FAM193A: variants seen among roughly 807,000 people sequenced by gnomAD.
FAM193A encodes protein FAM193A.
A neutral mutation model predicts 126.5 loss-of-function variants in FAM193A; 22 were observed. The ratio of observed to expected loss-of-function variants is 0.17; its 90% CI spans 0.12 to 0.25. The LOEUF (loss-of-function observed/expected upper bound fraction) is 0.25. FAM193A is among the 10% of genes least tolerant of loss of function. The pLI is 1.00. For synonymous variants in FAM193A, 761 were observed against 646.8 expected, an observed-to-expected ratio of 1.18 and a Z score of -2.68; for missense variants, 1,675 against 1,672.8, an observed-to-expected ratio of 1.00 and a Z score of -0.02.
At chr4:2,586,536 T>C (rs1030205377) in intron 1 of FAM193A, among the ~76,000 whole-genome samples, 1 of 152,218 alleles carries the variant, frequency 6.6e-6, no homozygotes, top group Admixed American at 6.5e-5. Context: ...ATAAATTTAG[T>C]GTATGTGTTT....
chr4:2,693,494 A>T (rs1414273867), intron 15 of FAM193A, 92 bp from the exon 16 acceptor site: 2 of 1,200,642 alleles, frequency 1.7e-6, no homozygotes, highest in Non-Finnish European at 2.4e-6. Context: ...TGAAGGATGA[A>T]TGGGTACTCT....
chr4:2,597,584 G>A (rs1396760935), intron 2 of FAM193A, among the ~76,000 whole-genome samples: 10 of 152,020 alleles, frequency 6.6e-5, no homozygotes, highest in African/African-American at 2.2e-4. Context: ...CCAGCCCCCG[G>A]CTTGTCTTGG....
At chr4:2,715,680 A>C (rs528719705) in intron 19 of FAM193A, among the ~76,000 whole-genome samples, 80 of 152,284 alleles carry the variant, frequency 5.3e-4, no homozygotes, top group African/African-American at 1.9e-3. Flanking sequence ...CTTGCGTGCG[A>C]ATTAGATTTC....
chr4:2,550,355 T>A (rs4029428), intron 1 of FAM193A, among the ~76,000 whole-genome samples: 149,762 of 152,092 alleles, frequency 0.98, 73,767 homozygotes, highest in Middle Eastern at 1. Context: ...CTAGACTGTT[T>A]AAGTCGTAGG....
At chr4:2,571,039 C>A (rs183351872) in intron 1 of FAM193A, among the ~76,000 whole-genome samples, 1 of 152,280 alleles carries the variant, frequency 6.6e-6, no homozygotes, top group Non-Finnish European at 1.5e-5. Context: ...GTGGCTCTCT[C>A]CCTATGGGGG....
chr4:2,591,090 A>G (rs1351362058), intron 1 of FAM193A, among the ~76,000 whole-genome samples: 3 of 151,882 alleles, frequency 2.0e-5, no homozygotes, highest in Non-Finnish European at 4.4e-5. Flanking sequence ...TGTGACACGT[A>G]TTGATTGAGG....
chr4:2,606,951 T>A (rs1330848385), intron 2 of FAM193A, among the ~76,000 whole-genome samples: 1 of 152,214 alleles, frequency 6.6e-6, no homozygotes, highest in Non-Finnish European at 1.5e-5. Context: ...GACGGACTCA[T>A]TTTGTTCATT....
At chr4:2,642,586 T>C (rs1420517955) in intron 6 of FAM193A, among the ~76,000 whole-genome samples, 2 of 152,006 alleles carry the variant, frequency 1.3e-5, no homozygotes, top group South Asian at 2.1e-4. Context: ...TGAGAAGATA[T>C]GCATCTTGGG....
intron 4 of FAM193A, among the ~76,000 whole-genome samples, chr4:2,630,001 G>C (rs1044018134): frequency 9.2e-5 from 14 of 151,928 alleles, no homozygotes; most frequent in African/African-American, 3.4e-4. Context: ...GCGTGGTGGC[G>C]GGCACCTGTA....
chr4:2,574,645 C>G (rs1354881202), intron 1 of FAM193A, among the ~76,000 whole-genome samples: 3 of 152,108 alleles, frequency 2.0e-5, no homozygotes, highest in Admixed American at 6.6e-5. Flanking sequence ...ACCGTGCTTT[C>G]CAGGACTGCA....
At chr4:2,639,354 T>C (rs1744386401) in intron 5 of FAM193A, among the ~76,000 whole-genome samples, 1 of 152,214 alleles carries the variant, frequency 6.6e-6, no homozygotes, top group Non-Finnish European at 1.5e-5. Flanking sequence ...TCGAGGGACT[T>C]GATGTATCTA....
chr4:2,699,096 C>T (rs1717365039), intron 18 of FAM193A, among the ~76,000 whole-genome samples: 1 of 152,184 alleles, frequency 6.6e-6, no homozygotes, highest in South Asian at 2.1e-4. Flanking sequence ...CGGGGTTTTG[C>T]CATGTTGCCC....
intron 16 of FAM193A, among the ~76,000 whole-genome samples, 191 bp from the exon 17 acceptor site, chr4:2,694,755 G>A (rs765543468): frequency 3.6e-4 from 54 of 152,112 alleles, no homozygotes; most frequent in African/African-American, 1.2e-3. Flanking sequence ...GCATGCATGC[G>A]CACACGCCAT....
At chr4:2,679,375 C>CTTTCTTTTTTTTT (rs1233397336) in intron 13 of FAM193A, among the ~76,000 whole-genome samples, 2 of 87,848 alleles carry the variant, frequency 2.3e-5, no homozygotes, top group African/African-American at 7.8e-5. Context: ...AGTTTTCTTT[C>CTTTCTTTTTTTTT]TTTTTTTTTT....
chr4:2,692,684 G>GA (rs1288000527), intron 15 of FAM193A, among the ~76,000 whole-genome samples: 1 of 152,180 alleles, frequency 6.6e-6, no homozygotes, highest in African/African-American at 2.4e-5. Context: ...TAAGTCTTGT[G>GA]AAAAGAGAAA....
At chr4:2,705,260 C>A (rs1459020806) in intron 19 of FAM193A, among the ~76,000 whole-genome samples, 1 of 152,318 alleles carries the variant, frequency 6.6e-6, no homozygotes, top group East Asian at 1.9e-4. Context: ...ATGCAGTATG[C>A]TGCAGACATT....
rs115229101 is a variant in FAM193A, at chr4:2,653,367, C to T, written c.1312-4436C>T. On this transcript the variant is annotated intron_variant, in intron 7 of 20. Coordinates refer to ENST00000637812, the MANE Select transcript of FAM193A (RefSeq NM_001366318.2). Reference sequence around the variant, plus strand: ...GTCACTTAAAAAGTAAAGTGTATTTCTTTAAAATTGCATGTTACATTGCTT... The same window carrying T: ...GTCACTTAAAAAGTAAAGTGTATTTTTTTAAAATTGCATGTTACATTGCTT... Among the ~76,000 whole-genome samples, 5 of 152,290 alleles carry T rather than the reference C, an allele frequency of 3.3e-5. No individual in the cohort carries two copies. The South Asian group carries it at 1.0e-3, about 32-fold the overall frequency.
chr4:2,725,131 C>T (rs1442079763), intron 20 of FAM193A, among the ~76,000 whole-genome samples: 3 of 151,894 alleles, frequency 2.0e-5, no homozygotes, highest in Admixed American at 6.6e-5. Context: ...CACCTACCTC[C>T]GCCTCCCAAA....
chr4:2,660,187 A>G (rs931151172), intron 10 of FAM193A, 133 bp downstream of exon 10: 17 of 918,270 alleles, frequency 1.9e-5, no homozygotes, highest in African/African-American at 6.7e-5. Flanking sequence ...GAGGTTTTTA[A>G]TGCAGCTTTT....
Sources: allele counts gnomAD v4.1 joint callset (sites outside exome capture counted in the v4.1 genomes callset), GRCh38; gene constraint gnomAD v4.1.1; transcripts MANE v1.5; gene names NCBI Gene and HGNC (gene_info 2026-07-23, HGNC 2026-07-21).